The following GPSM2 variants were observed in gnomAD, a reference collection of about 807,000 sequenced individuals.
GPSM2 encodes the protein G protein signaling modulator 2, also known as G protein-signaling modulator 2.
Under a neutral mutation model 78.4 loss-of-function variants are expected in GPSM2, and 58 were observed. The observed-to-expected ratio is 0.74, with a 90% CI of 0.60 to 0.92. GPSM2 has a LOEUF of 0.92. GPSM2 is among the 40% of genes least tolerant of loss of function. The pLI is 0.00. For missense variants in GPSM2, 700 were observed against 815.5 expected (o/e 0.86, Z 1.73); for synonymous variants, 224 against 280.2 (o/e 0.80, Z 2.00).
At position 108,901,775 on chromosome 1, in the gene GPSM2, A is replaced by T. The variant is rs765875375; in HGVS notation, c.798-15A>T. The T allele has an allele frequency of 6.3e-7, 1 of 1,595,274 alleles. No homozygotes were observed. Among genetic ancestry groups the T allele is most frequent in the South Asian group, 1.1e-5 (1 of 90,698 alleles). On this transcript the variant is annotated splice_polypyrimidine_tract_variant and intron_variant, in intron 7 of 14. Transcript: ENST00000264126. Reference sequence around the variant, plus strand: ...TGAGAATGATCATTATATAAGAATTAATTTCTTCTTGTAGGAAGACACTAC... The same window carrying T: ...TGAGAATGATCATTATATAAGAATTTATTTCTTCTTGTAGGAAGACACTAC...
At chr1:108,904,086 T>C (rs1649041124) in intron 9 of GPSM2, 39 bp from the exon 10 acceptor site, 2 of 1,447,682 alleles carry the variant, frequency 1.4e-6, no homozygotes, top group Non-Finnish European at 1.9e-6. Context: ...ATTCTTTCTC[T>C]TTAAATACTA....
In GPSM2 at chr1:108,932,187, T is replaced by C. The variant is rs1652105400; in HGVS notation, c.*2247T>C. The C allele has an allele frequency of 6.6e-6, 1 of 152,100 alleles. No homozygotes were observed. Among genetic ancestry groups the C allele is most frequent in the Admixed American group, 6.5e-5 (1 of 15,270 alleles). 9.4% of individuals were successfully genotyped at this position (152,100 alleles called of 1,614,324 possible). A position where few individuals can be genotyped will look rare whatever the true frequency, so the allele number is the denominator to read the frequency against. The stretch of plus-strand genomic sequence containing the variant: ...TACTCGGGAGACTGAGGCAGGAGAA[T>C]CTCTTGAACCTGGGAGGTGGAGGTT... On this transcript the variant is annotated 3_prime_UTR_variant, in exon 15 of 15. Transcript: ENST00000264126.
rs1389417219 is a variant in GPSM2, at chr1:108,903,171, A to T, written c.999A>T (p.Thr333=). 6.2e-7 allele frequency: 1 copy of T among 1,611,798 alleles called. No individual in the cohort carries two copies. The highest frequency in any genetic ancestry group is 8.5e-7 in the Non-Finnish European group (1 of 1,178,070). The part of the protein sequence containing the change: ...RACWSLGNAY[T]ALGNHDQAMH... Reference sequence around the variant, plus strand: ...GTTGGAGCTTAGGAAATGCATACACAGCACTAGGAAATCATGATCAAGCAA... The same window carrying T: ...GTTGGAGCTTAGGAAATGCATACACTGCACTAGGAAATCATGATCAAGCAA... The change falls in exon 9 of 15, where the codon ACA becomes ACT. Residue 333 remains threonine, a synonymous_variant. Transcript: ENST00000264126.
intron 14 of GPSM2, among the ~76,000 whole-genome samples, chr1:108,927,446 T>C (rs755473577): frequency 1.4e-4 from 22 of 152,300 alleles, no homozygotes; most frequent in Middle Eastern, 3.4e-3. Flanking sequence ...GACAGACATA[T>C]AGACCAATGG....
chr1:108,898,587 A>G, intron 5 of GPSM2, 55 bp from the exon 6 acceptor site: 2 of 1,543,726 alleles, frequency 1.3e-6, no homozygotes, highest in South Asian at 1.1e-5. Context: ...TGTAAATCAC[A>G]TACATAAAAT....
chr1:108,907,992 A>T (rs1471568804), intron 10 of GPSM2, among the ~76,000 whole-genome samples: 1 of 152,254 alleles, frequency 6.6e-6, no homozygotes, highest in African/African-American at 2.4e-5. Context: ...AATAGGCTTC[A>T]TCTAATGCAA....
In GPSM2 at chr1:108,934,415, C is replaced by CATCTT. The variant is rs1361015440; in HGVS notation, c.*4477_*4481dup. ...GAATCAGTGATGCCTGTCATCTGTTCATCTTAAAATAAACACTTCTTACTT... is the reference window on the plus strand; with the variant it reads ...GAATCAGTGATGCCTGTCATCTGTTCATCTTATCTTAAAATAAACACTTCTTACTT... On this transcript the variant is annotated 3_prime_UTR_variant, in exon 15 of 15. Transcript: ENST00000264126. The CATCTT allele has an allele frequency of 6.6e-6, 3 of 457,860 alleles. No homozygotes were observed. Among genetic ancestry groups the CATCTT allele is most frequent in the Non-Finnish European group, 1.2e-5 (3 of 260,656 alleles). 28.4% of individuals were successfully genotyped at this position (457,860 alleles called of 1,614,324 possible).
At chr1:108,902,604 A>C (rs1021298017) in intron 8 of GPSM2, among the ~76,000 whole-genome samples, 5 of 152,292 alleles carry the variant, frequency 3.3e-5, no homozygotes, top group Non-Finnish European at 5.9e-5. Flanking sequence ...TGGCTAATTC[A>C]GTTTTTTTGT....
intron 14 of GPSM2, among the ~76,000 whole-genome samples, chr1:108,928,727 G>A: frequency 6.6e-6 from 1 of 152,162 alleles, no homozygotes; most frequent in Non-Finnish European, 1.5e-5. Context: ...CCAGGCTCAT[G>A]CCTGTAATCC....
chr1:108,932,653 G>A lies in GPSM2; in HGVS notation c.*2713G>A, dbSNP rs913745960. 6.6e-6 allele frequency: 1 copy of A among 152,198 alleles called. No individual in the cohort carries two copies. Among genetic ancestry groups the A allele is most frequent in the Admixed American group, 6.5e-5 (1 of 15,282 alleles). 9.4% of individuals were successfully genotyped at this position (152,198 alleles called of 1,614,324 possible). ...CACTACTTTTCAGAGTCAGATCACA[G>A]TTCAAAAGACAGCTCTCACCTTGGG... On this transcript the variant is annotated 3_prime_UTR_variant, in exon 15 of 15. Transcript: ENST00000264126.
Position 108,918,617 on chromosome 1 carries a change from A to G in GPSM2, c.1268A>G (p.Gln423Arg). 2 of 1,611,976 alleles carry G rather than the reference A, an allele frequency of 1.2e-6. No individual in the cohort carries two copies. The highest frequency in any genetic ancestry group is 1.7e-6 in the Non-Finnish European group (2 of 1,178,112). ...CTTCCATTTATAATTTTGTAGGTAC[A>G]GAACTGGAACAGTGAAATTCTTGCT... ...ELMKLTPEKV[Q>R]NWNSEILAKQ... is the part of the protein sequence containing the mutation. The change falls in exon 12 of 15, where the codon CAG becomes CGG. Residue 423 changes from glutamine (Q) to arginine (R), a missense_variant. Transcript: ENST00000264126.
At chr1:108,893,726 C>T (rs960133136) in intron 2 of GPSM2, among the ~76,000 whole-genome samples, 17 of 152,116 alleles carry the variant, frequency 1.1e-4, no homozygotes, top group Non-Finnish European at 2.2e-4. Context: ...ACAACCAGTT[C>T]AGGTACTTCA....
chr1:108,932,511 A>T lies in GPSM2; in HGVS notation c.*2571A>T, dbSNP rs1652170454. ...ATCCCCAAATGGATATCTGTAATGA[A>T]AGAATACAAAGGTGAAATTTTATTT... On this transcript the variant is annotated 3_prime_UTR_variant, in exon 15 of 15. Coordinates refer to ENST00000264126, the MANE Select transcript of GPSM2 (RefSeq NM_013296.5). 1 of 152,234 alleles carries T rather than the reference A, an allele frequency of 6.6e-6. No individual in the cohort carries two copies. The highest frequency in any genetic ancestry group is 2.1e-4 in the South Asian group (1 of 4,832). The allele number at this position is 152,234 out of a possible 1,614,324, so 9.4% of individuals were successfully genotyped here. A position where few individuals can be genotyped will look rare whatever the true frequency, so the allele number is the denominator to read the frequency against.
intron 1 of GPSM2, among the ~76,000 whole-genome samples, chr1:108,879,522 A>C (rs1411912685): frequency 6.6e-6 from 1 of 152,210 alleles, no homozygotes; most frequent in East Asian, 1.9e-4. Context: ...AAATACCAGC[A>C]AGGTTCCCCA....
chr1:108,891,602 C>A (rs1373788481), intron 2 of GPSM2, among the ~76,000 whole-genome samples: 1 of 151,998 alleles, frequency 6.6e-6, no homozygotes, highest in African/African-American at 2.4e-5. Flanking sequence ...TCAAGCTATC[C>A]TCCCACCTCA....
chr1:108,931,229 A>T lies in GPSM2; in HGVS notation c.*1289A>T. Reference sequence around the variant, plus strand: ...GGACACATAAACAAACAGAAAACAGATGAAAACTCACAAAAATTAAATATG... The same window carrying T: ...GGACACATAAACAAACAGAAAACAGTTGAAAACTCACAAAAATTAAATATG... On this transcript the variant is annotated 3_prime_UTR_variant, in exon 15 of 15. Coordinates refer to ENST00000264126, the MANE Select transcript of GPSM2 (RefSeq NM_013296.5). 7.3e-7 allele frequency: 1 copy of T among 1,366,264 alleles called. No individual in the cohort carries two copies. Among genetic ancestry groups the T allele is most frequent in the South Asian group, 1.5e-5 (1 of 65,228 alleles). The allele number at this position is 1,366,264 out of a possible 1,614,324, so 84.6% of individuals were successfully genotyped here.
intron 14 of GPSM2, among the ~76,000 whole-genome samples, chr1:108,926,027 G>C (rs1048067179): frequency 3.3e-5 from 5 of 152,080 alleles, no homozygotes; most frequent in Non-Finnish European, 4.4e-5. Context: ...TCTCACCAAA[G>C]AAAGAAGTAG....
At chr1:108,898,353 GTAATT>G (rs1324244295) in intron 5 of GPSM2, among the ~76,000 whole-genome samples, 1 of 152,300 alleles carries the variant, frequency 6.6e-6, no homozygotes, top group Non-Finnish European at 1.5e-5. Context: ...GTTATTTAGA[GTAATT>G]TAGTCTTTTA....
intron 7 of GPSM2, among the ~76,000 whole-genome samples, chr1:108,900,386 C>T (rs1300488238): frequency 1.3e-5 from 2 of 152,010 alleles, no homozygotes; most frequent in Non-Finnish European, 2.9e-5. Context: ...TTACAGGTGT[C>T]TGCCACCACG....
Sources: gnomAD v4.1 joint callset for allele counts (sites outside exome capture counted in the v4.1 genomes callset) on GRCh38, gnomAD v4.1.1 for gene constraint, MANE v1.5 for transcripts, NCBI Gene and HGNC (gene_info 2026-07-23, HGNC 2026-07-21) for gene names.